Variants in PDCL2 observed in about 807,000 individuals in gnomAD.
PDCL2 encodes phosducin like 2, also known as phosducin-like protein 2.
In PDCL2, 23 loss-of-function variants were observed where a neutral mutation model predicts 30.3. The ratio of observed to expected loss-of-function variants is 0.76; its 90% CI spans 0.55 to 1.08. PDCL2 has a LOEUF of 1.08. PDCL2 is among the 50% of genes least tolerant of loss of function. The probability of loss-of-function intolerance (pLI) is 0.00; values close to 1 mark genes in which losing one functional copy is unlikely to be tolerated. For missense variants in PDCL2, 243 were observed against 282.3 expected (o/e 0.86, Z 1.00); for synonymous variants, 68 against 86.2 (o/e 0.79, Z 1.17).
At position 55,580,905 on chromosome 4, in the gene PDCL2, G is replaced by A; in HGVS notation, c.134C>T (p.Pro45Leu). 1 of 1,592,400 alleles carries A rather than the reference G, an allele frequency of 6.3e-7. No homozygotes were observed. Among genetic ancestry groups the A allele is most frequent in the Non-Finnish European group, 8.5e-7 (1 of 1,173,000 alleles). Reference sequence around the variant, plus strand: ...CTGTGCAAGAGTCATCTTTTCAAATGGTTTCACTAAAACAACATAAATTAT... The same window carrying A: ...CTGTGCAAGAGTCATCTTTTCAAATAGTTTCACTAAAACAACATAAATTAT... The part of the protein sequence containing the change: ...LRLQKEAMVK[P>L]FEKMTLAQLK... Residue 45 changes from proline (P) to leucine (L), a missense_variant, in exon 3 of 6, where the codon CCA (proline) becomes CTA (leucine). Pro to Leu is a moderately conservative substitution (Grantham distance 98). Coordinates refer to ENST00000295645, the MANE Select transcript of PDCL2 (RefSeq NM_152401.3).
At chr4:55,574,431 C>T (rs1312610780) in intron 3 of PDCL2, among the ~76,000 whole-genome samples, 2 of 152,108 alleles carry the variant, frequency 1.3e-5, no homozygotes, top group South Asian at 2.1e-4. Flanking sequence ...CAATGACTCA[C>T]CCCTAAAATG....
chr4:55,565,978 T>TTG (rs1488316390), intron 4 of PDCL2, among the ~76,000 whole-genome samples: 23 of 129,058 alleles, frequency 1.8e-4, no homozygotes, highest in African/African-American at 7.2e-4. Context: ...TTTCTGTTTT[T>TTG]TTTTTTTTTT....
At chr4:55,586,004 T>C (rs1235722646) in intron 1 of PDCL2, among the ~76,000 whole-genome samples, 2 of 152,142 alleles carry the variant, frequency 1.3e-5, no homozygotes, top group Admixed American at 6.5e-5. Context: ...TTCTATTGTT[T>C]TTCTAGTCTT....
intron 4 of PDCL2, among the ~76,000 whole-genome samples, chr4:55,567,174 C>T (rs980491290): frequency 6.6e-6 from 1 of 152,138 alleles, no homozygotes; most frequent in Non-Finnish European, 1.5e-5. Context: ...AGTGTGATTT[C>T]AGGAAATAAC....
intron 4 of PDCL2, among the ~76,000 whole-genome samples, chr4:55,567,125 C>T (rs578229196): frequency 8.5e-5 from 13 of 152,290 alleles, no homozygotes; most frequent in African/African-American, 2.6e-4. Flanking sequence ...GCAGCATTTA[C>T]AAACTGGTTA....
chr4:55,591,859 C>A (rs1169705770), intron 1 of PDCL2, among the ~76,000 whole-genome samples: 1 of 152,204 alleles, frequency 6.6e-6, no homozygotes, highest in East Asian at 1.9e-4. Context: ...AAACACAATA[C>A]GTAACAACTC....
rs561807529 is a variant in PDCL2, at chr4:55,562,558, A to G, written c.417T>C (p.Phe139=). Residue 139 remains phenylalanine (F), a synonymous_variant, in exon 5 of 6, where the codon TTT becomes TTC. Transcript: ENST00000295645. The part of the protein sequence containing the change: ...NQHLSLLARK[F]PETKFVKAIV... Reference sequence around the variant, plus strand: ...TGGCTTTAACAAATTTAGTTTCTGGAAACTTTCTTGCTAGAAGACTAAGAT... The same window carrying G: ...TGGCTTTAACAAATTTAGTTTCTGGGAACTTTCTTGCTAGAAGACTAAGAT... 1.9e-6 allele frequency: 3 copies of G among 1,606,018 alleles called. No homozygotes were observed. Among genetic ancestry groups the G allele is most frequent in the East Asian group, 4.5e-5 (2 of 44,182 alleles).
chr4:55,590,240 G>A (rs1350126779), intron 1 of PDCL2, among the ~76,000 whole-genome samples: 3 of 146,968 alleles, frequency 2.0e-5, no homozygotes, highest in South Asian at 2.2e-4. Context: ...TTTGTTGTGC[G>A]GATTTCAGGT....
intron 5 of PDCL2, among the ~76,000 whole-genome samples, chr4:55,558,194 GA>G (rs1732029223): frequency 6.6e-6 from 1 of 151,372 alleles, no homozygotes; most frequent in South Asian, 2.1e-4. Context: ...TTTTCTTACA[GA>G]AAAAAAGTAG....
intron 3 of PDCL2, among the ~76,000 whole-genome samples, chr4:55,578,808 T>G (rs962791625): frequency 6.6e-6 from 1 of 152,160 alleles, no homozygotes; most frequent in African/African-American, 2.4e-5. Context: ...ATTTCCTCCT[T>G]TATAATTACT....
At chr4:55,587,582 G>A (rs1350374579) in intron 1 of PDCL2, among the ~76,000 whole-genome samples, 1 of 148,542 alleles carries the variant, frequency 6.7e-6, no homozygotes, top group African/African-American at 2.5e-5. Flanking sequence ...TTTTTGAGAT[G>A]AAGTCTCAGT....
At chr4:55,577,433 C>T (rs1732600586) in intron 3 of PDCL2, among the ~76,000 whole-genome samples, 1 of 152,178 alleles carries the variant, frequency 6.6e-6, no homozygotes, top group Admixed American at 6.5e-5. Flanking sequence ...TGGTGATTAA[C>T]TCAATCTCTA....
Position 55,562,403 on chromosome 4 carries a change from CCTTCCAGCTTG to C in PDCL2, c.561_571del (p.Lys188ThrfsTer2). The C allele has an allele frequency of 7.2e-7, 1 of 1,391,584 alleles. No individual in the cohort carries two copies. Among genetic ancestry groups the C allele is most frequent in the Non-Finnish European group, 9.4e-7 (1 of 1,064,048 alleles). 86.2% of individuals were successfully genotyped at this position (1,391,584 alleles called of 1,614,324 possible). On this transcript the variant is annotated frameshift_variant and splice_region_variant, in exon 5 of 6. Coordinates refer to ENST00000295645, the MANE Select transcript of PDCL2 (RefSeq NM_152401.3). LOFTEE classifies it high-confidence loss of function. ...TTTATAAACAAAATTTGTAACATTA[CCTTCCAGCTTG>C]AGATTTATCCCTCCACATTCTATAA...
chr4:55,586,300 G>C (rs1291887521), intron 1 of PDCL2, among the ~76,000 whole-genome samples: 2 of 152,100 alleles, frequency 1.3e-5, no homozygotes, highest in African/African-American at 2.4e-5. Context: ...TTCTGTAATA[G>C]AAAAACTGTA....
intron 5 of PDCL2, among the ~76,000 whole-genome samples, chr4:55,559,072 A>AT (rs1158922322): frequency 6.6e-6 from 1 of 152,228 alleles, no homozygotes; most frequent in Non-Finnish European, 1.5e-5. Flanking sequence ...AAACAATGAA[A>AT]TGATACCAAC....
At chr4:55,562,763 A>G (rs1320988166) in intron 4 of PDCL2, among the ~76,000 whole-genome samples, 151 bp from the exon 5 acceptor site, 1 of 152,158 alleles carries the variant, frequency 6.6e-6, no homozygotes, top group East Asian at 1.9e-4. Context: ...TTTAGCAATG[A>G]AGAACTGTAT....
intron 1 of PDCL2, among the ~76,000 whole-genome samples, chr4:55,585,515 G>A (rs1308914811): frequency 1.3e-5 from 2 of 151,184 alleles, no homozygotes; most frequent in African/African-American, 4.8e-5. Context: ...GAGACAAAGT[G>A]AGATACTGTC....
At chr4:55,586,055 G>A (rs1732857424) in intron 1 of PDCL2, among the ~76,000 whole-genome samples, 1 of 151,826 alleles carries the variant, frequency 6.6e-6, no homozygotes. Flanking sequence ...ATTTCCTTCT[G>A]ATAACTATAA....
chr4:55,575,337 T>C (rs1410969295), intron 3 of PDCL2, among the ~76,000 whole-genome samples: 8 of 149,200 alleles, frequency 5.4e-5, no homozygotes, highest in African/African-American at 2.0e-4. Context: ...TCAGCAACCT[T>C]GAAAATAGGA....
Sources: allele counts gnomAD v4.1 joint callset (sites outside exome capture counted in the v4.1 genomes callset), GRCh38; gene constraint gnomAD v4.1.1; transcripts MANE v1.5; gene names NCBI Gene and HGNC (gene_info 2026-07-23, HGNC 2026-07-21).